The following MACROD1 variants were observed in gnomAD, a reference collection of about 807,000 sequenced individuals.
The protein encoded by MACROD1 is ADP-ribose glycohydrolase MACROD1.
In MACROD1, 31 loss-of-function variants were observed where a neutral mutation model predicts 41.4. The observed-to-expected ratio is 0.75, with a 90% CI of 0.56 to 1.01. The LOEUF is 1.01. MACROD1 is among the 50% of genes least tolerant of loss of function. MACROD1 has a pLI of 0.00. For synonymous variants in MACROD1, 252 were observed against 203.4 expected (o/e 1.24, Z -2.03); for missense variants, 473 against 460.0 (o/e 1.03, Z -0.26).
intron 3 of MACROD1, among the ~76,000 whole-genome samples, chr11:64,032,827 T>A (rs1032006019): frequency 6.6e-6 from 1 of 152,152 alleles, no homozygotes; most frequent in Non-Finnish European, 1.5e-5. Context: ...GGAATGACAC[T>A]CCCTCGTGGT....
chr11:64,120,495 T>C lies in MACROD1; in HGVS notation c.517+30744A>G, dbSNP rs1177678964. Among the ~76,000 whole-genome samples the C allele has an allele frequency of 6.6e-6, 1 of 152,152 alleles. No individual in the cohort carries two copies. Among genetic ancestry groups the C allele is most frequent in the Non-Finnish European group, 1.5e-5 (1 of 68,034 alleles). Reference sequence around the variant, plus strand: ...TGAGGTCAGGAGTTTGAGACCAGCCTGGCCAACATGGTGAAAGTCCGTCTC... The same window carrying C: ...TGAGGTCAGGAGTTTGAGACCAGCCCGGCCAACATGGTGAAAGTCCGTCTC... On this transcript the variant is annotated intron_variant, in intron 3 of 10. Coordinates refer to ENST00000255681, the MANE Select transcript of MACROD1 (RefSeq NM_014067.4). The surrounding 1 kb of genome is among the most constrained non-coding windows in gnomAD (Gnocchi z 4.5).
At chr11:64,061,577 GC>G (rs1280210049) in intron 3 of MACROD1, among the ~76,000 whole-genome samples, 1 of 152,198 alleles carries the variant, frequency 6.6e-6, no homozygotes, top group Non-Finnish European at 1.5e-5. Context: ...CCCATTTGCT[GC>G]ATTGGGTTAT....
chr11:64,156,725 A>G (rs1271897946), intron 1 of MACROD1, among the ~76,000 whole-genome samples: 2 of 152,146 alleles, frequency 1.3e-5, no homozygotes, highest in African/African-American at 4.8e-5. Context: ...CAAAGCCCAC[A>G]GGATTGCTCC....
Position 64,096,013 on chromosome 11 carries a change from G to A in MACROD1, c.517+55226C>T, listed in dbSNP as rs1028295215. Reference sequence around the variant, plus strand: ...GGCCCATGAGCCTGCAGGATATGTCGCGCTGCAGCCAGCACAGTGCTGCTT... The same window carrying A: ...GGCCCATGAGCCTGCAGGATATGTCACGCTGCAGCCAGCACAGTGCTGCTT... On this transcript the variant is annotated intron_variant, in intron 3 of 10. Coordinates refer to ENST00000255681, the MANE Select transcript of MACROD1 (RefSeq NM_014067.4). This position sits in a 1 kb window ranked among gnomAD's most constrained non-coding sequence, Gnocchi z 4.6. 2.0e-5 allele frequency among the ~76,000 whole-genome samples: 3 copies of A among 152,170 alleles called. No individual in the cohort carries two copies. Among genetic ancestry groups the A allele is most frequent in the Non-Finnish European group, 2.9e-5 (2 of 68,022 alleles).
At chr11:64,130,866 CCTCT>C (rs1945255908) in intron 3 of MACROD1, among the ~76,000 whole-genome samples, 1 of 152,224 alleles carries the variant, frequency 6.6e-6, no homozygotes, top group Non-Finnish European at 1.5e-5. Context: ...GCACTCCCTC[CCTCT>C]AAGATTTACA....
intron 5 of MACROD1, 48 bp from the exon 6 acceptor site, chr11:63,999,811 A>G (rs751584179): frequency 1.9e-6 from 3 of 1,569,874 alleles, no homozygotes; most frequent in South Asian, 1.1e-5. Flanking sequence ...CGCGGTCCTC[A>G]GCTCCCTCGC....
At chr11:64,106,040 C>A (rs1203547392) in intron 3 of MACROD1, among the ~76,000 whole-genome samples, 2 of 152,246 alleles carry the variant, frequency 1.3e-5, no homozygotes, top group African/African-American at 4.8e-5. Flanking sequence ...TGGAGACAGA[C>A]AGGCAGTTGG....
chr11:64,143,753 T>TATACAC (rs1358778255), intron 3 of MACROD1, among the ~76,000 whole-genome samples: 4 of 101,616 alleles, frequency 3.9e-5, no homozygotes, highest in African/African-American at 1.7e-4. Context: ...GACACACACA[T>TATACAC]ACACACACAC....
intron 3 of MACROD1, among the ~76,000 whole-genome samples, chr11:64,047,562 C>CT (rs1943607908): frequency 6.6e-6 from 1 of 152,050 alleles, no homozygotes. Context: ...CCCAGATGTA[C>CT]TTAGAGGCTC....
Position 63,999,688 on chromosome 11 carries a change from T to C in MACROD1, c.740A>G (p.Tyr247Cys). ...CAGCAGCAGGTCCAGACTGCTCAGGTAGCAGCTGCGGAGCTCGGCAGCCTG... is the reference window on the plus strand; with the variant it reads ...CAGCAGCAGGTCCAGACTGCTCAGGCAGCAGCTGCGGAGCTCGGCAGCCTG... The part of the protein sequence containing the change: ...ASQAAELRSC[Y>C]LSSLDLLLEH... Residue 247 changes from tyrosine to cysteine, a missense_variant, in exon 6 of 11, where the codon TAC becomes TGC. Physicochemically the swap from Tyr to Cys is radical, Grantham distance 194. Transcript: ENST00000255681. 1 of 1,609,124 alleles carries C rather than the reference T, an allele frequency of 6.2e-7. No individual in the cohort carries two copies.
At chr11:64,037,707 C>G (rs1410097348) in intron 3 of MACROD1, among the ~76,000 whole-genome samples, 2 of 152,132 alleles carry the variant, frequency 1.3e-5, no homozygotes, top group African/African-American at 2.4e-5. Flanking sequence ...ACTGGATACT[C>G]TTCAGTAAAA....
chr11:64,014,422 C>T (rs538348946), intron 4 of MACROD1, among the ~76,000 whole-genome samples: 2 of 152,368 alleles, frequency 1.3e-5, no homozygotes, highest in East Asian at 3.9e-4. Context: ...TATTCCTGAC[C>T]TTTATGCCCC....
At chr11:64,148,661 C>T (rs1945530343) in intron 3 of MACROD1, 1 of 882,250 alleles carries the variant, frequency 1.1e-6, no homozygotes, top group African/African-American at 1.8e-5. Flanking sequence ...GTATTCTCTT[C>T]CTGCTTGAAA....
intron 3 of MACROD1, among the ~76,000 whole-genome samples, chr11:64,033,095 T>A (rs953372049): frequency 6.6e-6 from 1 of 152,336 alleles, no homozygotes. Flanking sequence ...AGGAAGCTGA[T>A]GTCAAAATCG....
chr11:64,119,530 A>G (rs1945060099), intron 3 of MACROD1, among the ~76,000 whole-genome samples: 9 of 152,022 alleles, frequency 5.9e-5, no homozygotes, highest in Admixed American at 5.9e-4. Context: ...TTTTTTTTAA[A>G]TATCAGCTGA....
At chr11:64,070,470 G>A (rs1026347330) in intron 3 of MACROD1, among the ~76,000 whole-genome samples, 3 of 152,210 alleles carry the variant, frequency 2.0e-5, no homozygotes, top group Non-Finnish European at 2.9e-5. Flanking sequence ...ACAAATAGGA[G>A]CTGGTGGGAA....
chr11:64,093,175 C>T (rs1013970968), intron 3 of MACROD1, among the ~76,000 whole-genome samples: 4 of 152,136 alleles, frequency 2.6e-5, no homozygotes, highest in Admixed American at 2.0e-4. Context: ...TTCAGTGAGG[C>T]GACGTGTGAA....
chr11:64,060,742 C>T (rs1450307821), intron 3 of MACROD1: 3 of 152,240 alleles, frequency 2.0e-5, no homozygotes, highest in Non-Finnish European at 4.4e-5. Flanking sequence ...GTGCCGAGCC[C>T]ACTGTATTTT....
chr11:64,023,510 G>T (rs1215515861), intron 3 of MACROD1, among the ~76,000 whole-genome samples: 1 of 152,144 alleles, frequency 6.6e-6, no homozygotes, highest in Non-Finnish European at 1.5e-5. Context: ...GCGGTTCCTG[G>T]GGGCAGAAGG....
Sources: allele counts gnomAD v4.1 joint callset (sites outside exome capture counted in the v4.1 genomes callset), GRCh38; gene constraint gnomAD v4.1.1; non-coding constraint Gnocchi (gnomAD v3.1); transcripts MANE v1.5; gene names NCBI Gene and HGNC (gene_info 2026-07-23, HGNC 2026-07-21).